Variants in C3orf85 observed in about 807,000 individuals in gnomAD.
C3orf85 encodes the protein chromosome 3 open reading frame 85.
In C3orf85, 1 loss-of-function variant was observed where a neutral mutation model predicts 1.7. That is an observed-to-expected ratio of 0.60 (90% CI 0.21 to 2.86). The LOEUF is 2.86. Ranked by LOEUF, C3orf85 falls within the 30% of genes most tolerant of loss-of-function variation. The probability of loss-of-function intolerance (pLI) is 0.22; values close to 1 mark genes in which losing one functional copy is unlikely to be tolerated. For synonymous variants in C3orf85, 17 were observed against 8.0 expected (o/e 2.13, Z -1.90); for missense variants, 29 against 21.3 (o/e 1.36, Z -0.72).
intron 2 of C3orf85, among the ~76,000 whole-genome samples, chr3:109,138,085 T>C (rs1409709804): frequency 1.3e-5 from 2 of 152,162 alleles, no homozygotes; most frequent in African/African-American, 4.8e-5. Context: ...AGGAAATGGT[T>C]CTGCAAAATT....
chr3:109,137,913 C>T (rs1018283981), intron 2 of C3orf85, among the ~76,000 whole-genome samples: 3 of 151,962 alleles, frequency 2.0e-5, no homozygotes, highest in Non-Finnish European at 4.4e-5. Flanking sequence ...AATTTAAAGA[C>T]ATTAGCTGGT....
At chr3:109,144,923 C>G (rs1706781713) in intron 2 of C3orf85, among the ~76,000 whole-genome samples, 1 of 152,160 alleles carries the variant, frequency 6.6e-6, no homozygotes. Flanking sequence ...ATATGTAACA[C>G]TGTAACACAC....
chr3:109,143,101 G>A (rs1706758882), intron 2 of C3orf85, among the ~76,000 whole-genome samples: 2 of 152,178 alleles, frequency 1.3e-5, no homozygotes, highest in African/African-American at 4.8e-5. Flanking sequence ...GTGAAGCACT[G>A]CCCCTTCCCA....
chr3:109,148,493 T>C lies in C3orf85; in HGVS notation c.183+107T>C, dbSNP rs1040362754. On this transcript the variant is annotated intron_variant, in intron 3 of 3. Coordinates refer to ENST00000622536, the MANE Select transcript of C3orf85 (RefSeq NM_001351622.2). ...TGACTAGCCTAGCCCTGATTTTTCC[T>C]CTCTAGACACTCTGAACTATATCTG... 3 of 682,208 alleles carry C rather than the reference T, an allele frequency of 4.4e-6. No individual in the cohort carries two copies. The African/African-American group carries it at 5.3e-5, about 12-fold the overall frequency. The allele number at this position is 682,208 out of a possible 1,614,324, so 42.3% of individuals were successfully genotyped here. A position where few individuals can be genotyped will look rare whatever the true frequency, so the allele number is the denominator to read the frequency against.
At chr3:109,145,215 T>C (rs1273648876) in intron 2 of C3orf85, among the ~76,000 whole-genome samples, 1 of 152,168 alleles carries the variant, frequency 6.6e-6, no homozygotes. Context: ...GACAAAAGGA[T>C]CTTTCAGAGT....
intron 2 of C3orf85, among the ~76,000 whole-genome samples, chr3:109,141,176 G>A (rs760295437): frequency 2.0e-5 from 3 of 151,954 alleles, no homozygotes; most frequent in African/African-American, 7.3e-5. Context: ...TAGTAGAGAC[G>A]GGGTTTCACC....
Position 109,150,706 on chromosome 3 carries a change from G to A in C3orf85, c.*812G>A, listed in dbSNP as rs1706859626. On this transcript the variant is annotated 3_prime_UTR_variant, in exon 4 of 4. Transcript: ENST00000622536. ...ACCACCTCAGTTTGAGAAGCATTGA[G>A]ATGATACAACTAATTGCCAAGATTG... is the stretch of plus-strand genomic sequence containing the variant. 6.6e-6 allele frequency among the ~76,000 whole-genome samples: 1 copy of A among 152,156 alleles called. No homozygotes were observed. The highest frequency in any genetic ancestry group is 1.5e-5 in the Non-Finnish European group (1 of 68,030).
intron 2 of C3orf85, among the ~76,000 whole-genome samples, chr3:109,145,167 A>T (rs1188330492): frequency 6.6e-6 from 1 of 151,840 alleles, no homozygotes; most frequent in Admixed American, 6.6e-5. Flanking sequence ...CGTGTCCCTC[A>T]CTCTTCTCTT....
At position 109,151,392 on chromosome 3, in the gene C3orf85, G is replaced by A. The variant is rs747373042; in HGVS notation, c.*1498G>A. ...GATGGCGTTACATCCCAATAAACCC[G>A]TCACACGCTGAAAATATCATAAGTC... On this transcript the variant is annotated 3_prime_UTR_variant, in exon 4 of 4. Coordinates refer to ENST00000622536, the MANE Select transcript of C3orf85 (RefSeq NM_001351622.2). Among the ~76,000 whole-genome samples, 5 of 152,030 alleles carry A rather than the reference G, an allele frequency of 3.3e-5. No individual in the cohort carries two copies. The highest frequency in any genetic ancestry group is 4.8e-5 in the African/African-American group (2 of 41,354).
chr3:109,149,858 G>A lies in C3orf85; in HGVS notation c.237G>A (p.Met79Ile), dbSNP rs140719610. Reference protein sequence around the residue: ...LKTTAQYYLDMNTFTFDMSTA... With the variant: ...LKTTAQYYLDINTFTFDMSTA... Reference sequence around the variant, plus strand: ...CAACAGCACAGTATTATTTGGATATGAATACCTTCACCTTTGACATGTCTA... The same window carrying A: ...CAACAGCACAGTATTATTTGGATATAAATACCTTCACCTTTGACATGTCTA... The change falls in exon 4 of 4, where the codon ATG (methionine) becomes ATA (isoleucine). Residue 79 changes from methionine to isoleucine, a missense_variant. Transcript: ENST00000622536. The A allele has an allele frequency of 0.017, 6,626 of 398,488 alleles. 91 individuals are homozygous for A. The highest frequency in any genetic ancestry group is 0.022 in the Non-Finnish European group (5,017 of 225,668). The allele number at this position is 398,488 out of a possible 1,614,324, so 24.7% of individuals were successfully genotyped here. A position where few individuals can be genotyped will look rare whatever the true frequency, so the allele number is the denominator to read the frequency against.
intron 2 of C3orf85, among the ~76,000 whole-genome samples, chr3:109,140,257 G>T (rs1355840797): frequency 5.3e-5 from 8 of 152,186 alleles, no homozygotes; most frequent in Non-Finnish European, 1.2e-4. Context: ...GATTAGGTTC[G>T]CAGACACTTT....
intron 2 of C3orf85, among the ~76,000 whole-genome samples, chr3:109,144,865 T>C (rs1180372937): frequency 6.6e-6 from 1 of 152,188 alleles, no homozygotes; most frequent in East Asian, 1.9e-4. Context: ...GCCACTAATT[T>C]TGTTTTGAAA....
intron 2 of C3orf85, among the ~76,000 whole-genome samples, chr3:109,137,668 T>TATATATATAA (rs1359245592): frequency 1.2e-4 from 17 of 142,042 alleles, no homozygotes; most frequent in Non-Finnish European, 2.6e-4. Flanking sequence ...TATATATATA[T>TATATATATAA]AAAATAAGCC....
In C3orf85 at chr3:109,136,907, A is replaced by G; in HGVS notation, c.49+11A>G. On this transcript the variant is annotated intron_variant, in intron 2 of 3. Coordinates refer to ENST00000622536, the MANE Select transcript of C3orf85 (RefSeq NM_001351622.2). ...CAACATTGCTTATCGGTAAGAGCCT[A>G]TTTCTTTTTTATTTATCATGTCTCC... 1 of 414,958 alleles carries G rather than the reference A, an allele frequency of 2.4e-6. No homozygotes were observed. Among genetic ancestry groups the G allele is most frequent in the Non-Finnish European group, 4.3e-6 (1 of 232,562 alleles). 25.7% of individuals were successfully genotyped at this position (414,958 alleles called of 1,614,324 possible). A position where few individuals can be genotyped will look rare whatever the true frequency, so the allele number is the denominator to read the frequency against.
chr3:109,151,189 T>C lies in C3orf85; in HGVS notation c.*1295T>C, dbSNP rs1172931318. ...AATCATTTAGTTTTGCAGTGGGAAA[T>C]AAGTTTGAGATTGTACATAAATATA... On this transcript the variant is annotated 3_prime_UTR_variant, in exon 4 of 4. Coordinates refer to ENST00000622536, the MANE Select transcript of C3orf85 (RefSeq NM_001351622.2). Among the ~76,000 whole-genome samples the C allele has an allele frequency of 6.6e-6, 1 of 152,280 alleles. No homozygotes were observed. Among genetic ancestry groups the C allele is most frequent in the African/African-American group, 2.4e-5 (1 of 41,562 alleles).
intron 2 of C3orf85, among the ~76,000 whole-genome samples, chr3:109,142,681 G>A (rs769186145): frequency 1.3e-5 from 2 of 151,458 alleles, no homozygotes; most frequent in African/African-American, 2.4e-5. Context: ...AGCTCCCACC[G>A]GAGTGCCCTG....
intron 3 of C3orf85, 129 bp from the exon 4 acceptor site, chr3:109,149,676 C>T (rs886406684): frequency 5.1e-5 from 20 of 390,122 alleles, no homozygotes; most frequent in African/African-American, 1.0e-4. Context: ...AAACCAAATT[C>T]TATTTGGTAT....
chr3:109,144,778 G>T (rs1030279544), intron 2 of C3orf85, among the ~76,000 whole-genome samples: 1 of 152,004 alleles, frequency 6.6e-6, no homozygotes, highest in African/African-American at 2.4e-5. Context: ...TCACTATGTA[G>T]CTATAAATCA....
chr3:109,144,916 T>C (rs113482052), intron 2 of C3orf85, among the ~76,000 whole-genome samples: 1 of 152,214 alleles, frequency 6.6e-6, no homozygotes, highest in African/African-American at 2.4e-5. Context: ...ACATAAAATA[T>C]GTAACACTGT....
Sources: gnomAD v4.1 joint callset for allele counts (sites outside exome capture counted in the v4.1 genomes callset) on GRCh38, gnomAD v4.1.1 for gene constraint, MANE v1.5 for transcripts, NCBI Gene and HGNC (gene_info 2026-07-23, HGNC 2026-07-21) for gene names.